The following CDH12 variants were observed in gnomAD, a reference collection of about 807,000 sequenced individuals.
CDH12 encodes cadherin-12.
In CDH12, 41 loss-of-function variants were observed where a neutral mutation model predicts 74.1. The observed-to-expected ratio is 0.55, with a 90% confidence interval of 0.43 to 0.72. The LOEUF (loss-of-function observed/expected upper bound fraction) is 0.72, where lower values mean the gene tolerates loss of function less well. CDH12 is among the 30% of genes least tolerant of loss of function. The pLI, the probability that CDH12 is intolerant of heterozygous loss-of-function variation, is 0.00. For missense variants in CDH12, 945 were observed against 977.2 expected (o/e 0.97, Z 0.44); for synonymous variants, 399 against 355.0 (o/e 1.12, Z -1.39).
intron 2 of CDH12, among the ~76,000 whole-genome samples, chr5:22,426,047 T>A (rs371523192): frequency 2.0e-5 from 3 of 151,642 alleles, no homozygotes; most frequent in African/African-American, 2.4e-5. Context: ...ATTAGCTGGG[T>A]GTGGTGGCGG....
chr5:22,245,880 T>C (rs1354453523), intron 3 of CDH12, among the ~76,000 whole-genome samples: 1 of 152,144 alleles, frequency 6.6e-6, no homozygotes, highest in Non-Finnish European at 1.5e-5. Context: ...ATTCATATAA[T>C]TTAAATTCAT....
At chr5:22,522,468 T>G (rs573914311) in intron 1 of CDH12, among the ~76,000 whole-genome samples, 7 of 152,294 alleles carry the variant, frequency 4.6e-5, no homozygotes, top group African/African-American at 1.7e-4. Flanking sequence ...TTGCAGACAC[T>G]GAAAATTCCA....
At chr5:22,616,581 T>A (rs1174959041) in intron 1 of CDH12, among the ~76,000 whole-genome samples, 1 of 152,096 alleles carries the variant, frequency 6.6e-6, no homozygotes, top group Non-Finnish European at 1.5e-5. Flanking sequence ...AATACATACA[T>A]ACACAAAATT....
At position 22,342,836 on chromosome 5, in the gene CDH12, TTCTGTCTG is replaced by T. The variant is rs376667284; in HGVS notation, c.-333+62413_-333+62420del. Among the ~76,000 whole-genome samples the T allele has an allele frequency of 1.1e-4, 16 of 148,220 alleles. No homozygotes were observed. In the East Asian group the frequency reaches 1.2e-3, roughly 11 times the overall value. ...TCTCTCTTTCTCTCTCTGTCTCTCT[TTCTGTCTG>T]TCTGTCTGTCTGTCTGTCTGTCTTG... On this transcript the variant is annotated intron_variant, in intron 3 of 14. Coordinates refer to ENST00000382254, the MANE Select transcript of CDH12 (RefSeq NM_004061.5).
chr5:22,138,253 A>G (rs1374732303), intron 4 of CDH12, among the ~76,000 whole-genome samples: 1 of 151,956 alleles, frequency 6.6e-6, no homozygotes, highest in African/African-American at 2.4e-5. Flanking sequence ...AGCAATTTTG[A>G]AGATTTAGGT....
At chr5:22,092,243 C>T (rs756502386) in intron 4 of CDH12, among the ~76,000 whole-genome samples, 15 of 151,698 alleles carry the variant, frequency 9.9e-5, no homozygotes, top group Admixed American at 1.3e-4. Flanking sequence ...CTTCAAAAGC[C>T]CAAGTGACAA....
chr5:22,429,258 A>G (rs1744070435), intron 2 of CDH12, among the ~76,000 whole-genome samples: 2 of 151,928 alleles, frequency 1.3e-5, no homozygotes, highest in Admixed American at 1.3e-4. Flanking sequence ...CAGCCTCCTG[A>G]GTAGATGGGA....
chr5:22,846,392 C>T (rs1268465168), intron 1 of CDH12, among the ~76,000 whole-genome samples: 1 of 152,052 alleles, frequency 6.6e-6, no homozygotes, highest in East Asian at 1.9e-4. Flanking sequence ...TGCAATTACC[C>T]CTTCAGTGAT....
intron 2 of CDH12, among the ~76,000 whole-genome samples, chr5:22,474,944 T>A (rs1201877503): frequency 6.6e-6 from 1 of 151,932 alleles, no homozygotes; most frequent in Non-Finnish European, 1.5e-5. Context: ...CTCCTATTTT[T>A]GACAAACCTT....
chr5:21,875,940 T>A (rs111737947), intron 6 of CDH12, among the ~76,000 whole-genome samples: 4,135 of 143,766 alleles, frequency 0.029, 68 homozygotes, highest in Admixed American at 0.054. Flanking sequence ...TCTCTCTCCA[T>A]GCTGGAGTGC....
At chr5:22,115,135 C>G (rs749368041) in intron 4 of CDH12, among the ~76,000 whole-genome samples, 2 of 152,114 alleles carry the variant, frequency 1.3e-5, no homozygotes, top group Non-Finnish European at 1.5e-5. Context: ...AGTATTCAAA[C>G]ACTATCAAAT....
intron 4 of CDH12, among the ~76,000 whole-genome samples, chr5:22,090,638 T>C (rs1743363108): frequency 6.6e-6 from 1 of 150,444 alleles, no homozygotes. Context: ...CCCTCCTGAA[T>C]ACCAATATCC....
chr5:21,826,881 T>C (rs12654091), intron 8 of CDH12, among the ~76,000 whole-genome samples: 1 of 151,828 alleles, frequency 6.6e-6, no homozygotes, highest in African/African-American at 2.4e-5. Context: ...GTCAGTTATA[T>C]CCTGGTAAAT....
rs139988496 is a variant in CDH12, at chr5:22,532,269, C to T, written c.-522-26905G>A. On this transcript the variant is annotated intron_variant, in intron 1 of 14. Coordinates refer to ENST00000382254, the MANE Select transcript of CDH12 (RefSeq NM_004061.5). ...TGTTAAGAAAGGAATTTTACCTGCA[C>T]GACATGGCACATGTGTTAGAGGAGC... 2.7e-3 allele frequency among the ~76,000 whole-genome samples: 386 copies of T among 145,228 alleles called. 6 individuals carry two copies. The highest frequency in any genetic ancestry group is 9.2e-3 in the African/African-American group (361 of 39,190).
chr5:22,694,226 T>C (rs904224799), intron 1 of CDH12, among the ~76,000 whole-genome samples: 30 of 152,182 alleles, frequency 2.0e-4, no homozygotes, highest in African/African-American at 5.8e-4. Context: ...AACTTAAAAT[T>C]ACTGGATAAG....
chr5:22,246,475 A>G (rs72742046), intron 3 of CDH12, among the ~76,000 whole-genome samples: 13,815 of 152,196 alleles, frequency 0.091, 655 homozygotes, highest in South Asian at 0.15. Flanking sequence ...TACTGACTTA[A>G]GTTTCACATT....
chr5:22,169,223 T>A (rs1748874072), intron 4 of CDH12, among the ~76,000 whole-genome samples: 2 of 151,934 alleles, frequency 1.3e-5, no homozygotes, highest in Admixed American at 6.6e-5. Flanking sequence ...TATCCTCTTC[T>A]ACTCATATTT....
chr5:22,042,820 G>A (rs116337103), intron 5 of CDH12, among the ~76,000 whole-genome samples: 2 of 147,874 alleles, frequency 1.4e-5, no homozygotes, highest in South Asian at 4.3e-4. Flanking sequence ...AGCCTGGGAA[G>A]TTGCGGCTCC....
At chr5:22,173,057 A>G (rs1393244992) in intron 4 of CDH12, among the ~76,000 whole-genome samples, 1 of 151,360 alleles carries the variant, frequency 6.6e-6, no homozygotes, top group Non-Finnish European at 1.5e-5. Flanking sequence ...TATCCACAAA[A>G]CAAACTTTAT....
Sources: allele counts gnomAD v4.1 joint callset (sites outside exome capture counted in the v4.1 genomes callset), GRCh38; gene constraint gnomAD v4.1.1; transcripts MANE v1.5; gene names NCBI Gene and HGNC (gene_info 2026-07-23, HGNC 2026-07-21).